MAML2: variants seen among roughly 807,000 people sequenced by gnomAD.
The protein encoded by MAML2 is mastermind-like protein 2.
Under a neutral mutation model 96.1 loss-of-function variants are expected in MAML2, and 22 were observed. The observed-to-expected ratio is 0.23, with a 90% confidence interval of 0.16 to 0.33. The LOEUF is 0.33. Ranked by LOEUF, MAML2 falls within the 10% of genes least tolerant of loss-of-function variation. MAML2 has a pLI of 1.00. For synonymous variants in MAML2, 561 were observed against 521.3 expected (o/e 1.08, Z -1.04); for missense variants, 1,367 against 1,392.4 (o/e 0.98, Z 0.29).
chr11:96,058,975 G>A (rs1859112756), intron 2 of MAML2, among the ~76,000 whole-genome samples: 1 of 152,160 alleles, frequency 6.6e-6, no homozygotes, highest in African/African-American at 2.4e-5. Flanking sequence ...CCAGCTACTT[G>A]GGAGGCTGAG....
At chr11:96,277,907 T>C (rs2135983978) in intron 1 of MAML2, among the ~76,000 whole-genome samples, 1 of 142,524 alleles carries the variant, frequency 7.0e-6, no homozygotes, top group Non-Finnish European at 1.5e-5. Context: ...CTAAAACCCT[T>C]CTGTGGGAAC....
At chr11:96,132,401 AACC>A (rs1164032324) in intron 1 of MAML2, among the ~76,000 whole-genome samples, 1 of 152,232 alleles carries the variant, frequency 6.6e-6, no homozygotes, top group Admixed American at 6.5e-5. Flanking sequence ...CCTCAGAACT[AACC>A]ACATTTAGAT....
At chr11:96,128,132 G>A (rs921961892) in intron 1 of MAML2, among the ~76,000 whole-genome samples, 38 of 152,088 alleles carry the variant, frequency 2.5e-4, no homozygotes, top group Non-Finnish European at 4.4e-4. Flanking sequence ...AGTGGCTCAC[G>A]TCTGTAATCC....
At chr11:96,200,509 A>G (rs1412914213) in intron 1 of MAML2, among the ~76,000 whole-genome samples, 1 of 152,232 alleles carries the variant, frequency 6.6e-6, no homozygotes, top group African/African-American at 2.4e-5. Context: ...AAACAAGCAC[A>G]AAAGTTCCCA....
chr11:96,048,678 C>T (rs887537780), intron 2 of MAML2, among the ~76,000 whole-genome samples: 9 of 152,152 alleles, frequency 5.9e-5, no homozygotes, highest in Non-Finnish European at 1.0e-4. Context: ...TTCTATCTGA[C>T]AGAACCAAAG....
At chr11:96,021,430 T>A (rs1489539309) in intron 2 of MAML2, among the ~76,000 whole-genome samples, 1 of 152,176 alleles carries the variant, frequency 6.6e-6, no homozygotes, top group Non-Finnish European at 1.5e-5. Context: ...AAAGCCTCCT[T>A]GTGGGCTACT....
intron 1 of MAML2, among the ~76,000 whole-genome samples, chr11:96,141,198 A>AGGG (rs1324988101): frequency 1.3e-5 from 2 of 152,202 alleles, no homozygotes; most frequent in Non-Finnish European, 2.9e-5. Context: ...GCACATTTTT[A>AGGG]GTACAAATAT....
intron 2 of MAML2, among the ~76,000 whole-genome samples, chr11:96,076,692 G>T (rs776098426): frequency 3.9e-5 from 6 of 152,104 alleles, no homozygotes; most frequent in Non-Finnish European, 5.9e-5. Flanking sequence ...GACAATAGAG[G>T]GGTCTCCCAC....
At chr11:96,193,403 A>G (rs1861684988) in intron 1 of MAML2, among the ~76,000 whole-genome samples, 1 of 152,202 alleles carries the variant, frequency 6.6e-6, no homozygotes, top group South Asian at 2.1e-4. Context: ...TGGGGAATAG[A>G]AATTGTGTGG....
intron 1 of MAML2, among the ~76,000 whole-genome samples, chr11:96,149,513 T>C (rs1274472076): frequency 6.7e-6 from 1 of 150,090 alleles, no homozygotes; most frequent in Non-Finnish European, 1.5e-5. Context: ...AGATGGATCA[T>C]TTGAGGTCAG....
chr11:96,204,973 C>T (rs1295929852), intron 1 of MAML2, among the ~76,000 whole-genome samples: 1 of 152,206 alleles, frequency 6.6e-6, no homozygotes, highest in Non-Finnish European at 1.5e-5. Flanking sequence ...TCTTAAGAAT[C>T]GAAAGCTCAG....
intron 2 of MAML2, among the ~76,000 whole-genome samples, chr11:96,056,779 AT>A (rs1448560001): frequency 1.3e-5 from 2 of 152,262 alleles, no homozygotes; most frequent in East Asian, 3.9e-4. Context: ...CCCAGTTCTC[AT>A]TTGCGTATGT....
At chr11:96,020,069 G>C (rs1374879856) in intron 2 of MAML2, among the ~76,000 whole-genome samples, 1 of 152,184 alleles carries the variant, frequency 6.6e-6, no homozygotes, top group Non-Finnish European at 1.5e-5. Flanking sequence ...GTGCCAGTCA[G>C]TGAAGGGGAG....
chr11:96,095,595 G>A (rs1469612310), intron 1 of MAML2, among the ~76,000 whole-genome samples: 1 of 152,192 alleles, frequency 6.6e-6, no homozygotes, highest in Non-Finnish European at 1.5e-5. Context: ...AGCCATAGAG[G>A]AAGCAAATCT....
At chr11:96,077,123 A>T (rs1336665005) in intron 2 of MAML2, among the ~76,000 whole-genome samples, 2 of 152,010 alleles carry the variant, frequency 1.3e-5, no homozygotes, top group Non-Finnish European at 2.9e-5. Flanking sequence ...TTTATACAGC[A>T]GAAGAGATCA....
chr11:96,060,637 T>G (rs533878090), intron 2 of MAML2, among the ~76,000 whole-genome samples: 17 of 152,348 alleles, frequency 1.1e-4, no homozygotes, highest in Admixed American at 5.2e-4. Context: ...AGCACACTTC[T>G]GTGAGTACAA....
At chr11:96,107,533 A>G (rs894099549) in intron 1 of MAML2, among the ~76,000 whole-genome samples, 1 of 152,230 alleles carries the variant, frequency 6.6e-6, no homozygotes, top group Non-Finnish European at 1.5e-5. Context: ...ACAGTTACTA[A>G]AACCCTTGGA....
intron 1 of MAML2, among the ~76,000 whole-genome samples, chr11:96,186,380 G>A (rs550843846): frequency 5.5e-4 from 83 of 152,052 alleles, no homozygotes; most frequent in Non-Finnish European, 1.0e-3. Flanking sequence ...ACCTGAGGTC[G>A]GGAGTTTGAG....
At chr11:96,234,681 A>C (rs1263048626) in intron 1 of MAML2, among the ~76,000 whole-genome samples, 1 of 152,192 alleles carries the variant, frequency 6.6e-6, no homozygotes, top group African/African-American at 2.4e-5. Context: ...ATATGCATGC[A>C]CATACTTGCA....
Sources: gnomAD v4.1 joint callset for allele counts (sites outside exome capture counted in the v4.1 genomes callset) on GRCh38, gnomAD v4.1.1 for gene constraint, MANE v1.5 for transcripts, NCBI Gene and HGNC (gene_info 2026-07-23, HGNC 2026-07-21) for gene names.